IRF2: variants seen among roughly 807,000 people sequenced by gnomAD.
IRF2 encodes interferon regulatory factor 2.
A neutral mutation model predicts 40.6 loss-of-function variants in IRF2; 15 were observed. That is an observed-to-expected ratio of 0.37 (90% CI 0.25 to 0.57). The LOEUF is 0.57. Among genes scored for constraint, IRF2 ranks in the 20% least tolerant of loss-of-function variants. The pLI, the probability that IRF2 is intolerant of heterozygous loss-of-function variation, is 0.77. For missense variants in IRF2, 317 were observed against 455.7 expected (o/e 0.70, Z 2.77); for synonymous variants, 151 against 165.5 (o/e 0.91, Z 0.67).
chr4:184,417,737 C>T (rs113510103), intron 5 of IRF2, among the ~76,000 whole-genome samples: 7 of 152,164 alleles, frequency 4.6e-5, no homozygotes, highest in South Asian at 2.1e-4. Flanking sequence ...GGGCCTGTGA[C>T]GGAATGTCTG....
At chr4:184,391,417 G>A (rs766498068) in intron 7 of IRF2, among the ~76,000 whole-genome samples, 12 of 152,214 alleles carry the variant, frequency 7.9e-5, no homozygotes, top group Non-Finnish European at 1.6e-4. Context: ...TCAGAAACCT[G>A]CTGGGAGAGG....
chr4:184,401,841 A>G (rs1375241082), intron 6 of IRF2, among the ~76,000 whole-genome samples: 1 of 152,196 alleles, frequency 6.6e-6, no homozygotes, highest in Non-Finnish European at 1.5e-5. Flanking sequence ...AACTTCCAAT[A>G]TTTCAAAACT....
intron 2 of IRF2, chr4:184,428,765 C>T (rs574091967): frequency 3.4e-6 from 2 of 583,220 alleles, no homozygotes; most frequent in East Asian, 7.1e-5. Flanking sequence ...CACCACTGCA[C>T]TCCAGCGTGG....
chr4:184,469,233 G>A lies in IRF2; in HGVS notation c.-7+5146C>T, dbSNP rs556181432. Among the ~76,000 whole-genome samples the A allele has an allele frequency of 3.9e-5, 6 of 152,316 alleles. No individual in the cohort carries two copies. The South Asian group carries it at 1.2e-3, about 32-fold the overall frequency. ...CTCAGAAAGCCTAACGGGATGGTGA[G>A]TTTCTCTCACACGGAGCCGGCCAGC... On this transcript the variant is annotated intron_variant, in intron 1 of 8. Coordinates refer to ENST00000393593, the MANE Select transcript of IRF2 (RefSeq NM_002199.4).
At chr4:184,426,296 G>A (rs980895668) in intron 2 of IRF2, among the ~76,000 whole-genome samples, 10 of 152,148 alleles carry the variant, frequency 6.6e-5, no homozygotes, top group East Asian at 1.9e-4. Flanking sequence ...GATTACAGGC[G>A]TGAGCCACTG....
chr4:184,406,271 C>A (rs1383075493), intron 6 of IRF2, among the ~76,000 whole-genome samples: 6 of 151,348 alleles, frequency 4.0e-5, no homozygotes, highest in African/African-American at 1.2e-4. Context: ...CCTCTGTCAC[C>A]CAGGCTGGAG....
At chr4:184,425,314 C>G (rs55666000) in intron 2 of IRF2, among the ~76,000 whole-genome samples, 10,178 of 152,306 alleles carry the variant, frequency 0.067, 753 homozygotes, top group Admixed American at 0.2. Flanking sequence ...TGCCAACAAG[C>G]CTAAGTTAAC....
chr4:184,410,921 C>T (rs1322155059), intron 5 of IRF2, among the ~76,000 whole-genome samples: 8 of 152,128 alleles, frequency 5.3e-5, no homozygotes, highest in Admixed American at 5.2e-4. Context: ...GCAGAGACAC[C>T]GGAACTGAAC....
intron 1 of IRF2, among the ~76,000 whole-genome samples, chr4:184,449,571 G>T (rs777407962): frequency 7.2e-5 from 11 of 152,234 alleles, no homozygotes; most frequent in Non-Finnish European, 1.5e-4. Context: ...GAAGGAGCTT[G>T]CAGCCTAGAA....
At chr4:184,429,734 G>A (rs1737806409) in intron 1 of IRF2, among the ~76,000 whole-genome samples, 1 of 151,958 alleles carries the variant, frequency 6.6e-6, no homozygotes, top group Non-Finnish European at 1.5e-5. Flanking sequence ...CAGCCTCCCC[G>A]CTGACCTGAC....
intron 7 of IRF2, among the ~76,000 whole-genome samples, chr4:184,395,412 C>CAAAA (rs34566726): frequency 0.074 from 4,900 of 65,984 alleles, 651 homozygotes; most frequent in Admixed American, 0.095. Context: ...GACTCCGTCT[C>CAAAA]AAAAAAAAAA....
At chr4:184,472,982 G>A (rs1248404570) in intron 1 of IRF2, among the ~76,000 whole-genome samples, 1 of 152,096 alleles carries the variant, frequency 6.6e-6, no homozygotes, top group African/African-American at 2.4e-5. Context: ...TGCTGGGAGG[G>A]GCATGAGTTA....
At chr4:184,410,135 G>A (rs1737019662) in intron 5 of IRF2, among the ~76,000 whole-genome samples, 2 of 152,082 alleles carry the variant, frequency 1.3e-5, no homozygotes, top group Non-Finnish European at 2.9e-5. Context: ...TTGAGAGCTC[G>A]GGCTTTGGAA....
At chr4:184,424,418 C>T (rs1442251514) in intron 2 of IRF2, among the ~76,000 whole-genome samples, 1 of 152,076 alleles carries the variant, frequency 6.6e-6, no homozygotes, top group Non-Finnish European at 1.5e-5. Context: ...AGAGGTGAGG[C>T]CTTTAAGAGG....
intron 7 of IRF2, among the ~76,000 whole-genome samples, chr4:184,397,217 T>C (rs1022594678): frequency 6.6e-6 from 1 of 152,180 alleles, no homozygotes; most frequent in African/African-American, 2.4e-5. Flanking sequence ...CTAGGACCTA[T>C]GCTAAGTGAA....
chr4:184,426,420 T>C (rs920533371), intron 2 of IRF2, among the ~76,000 whole-genome samples: 1 of 152,208 alleles, frequency 6.6e-6, no homozygotes, highest in African/African-American at 2.4e-5. Flanking sequence ...AGTCCTCACA[T>C]GCCCCTCTCC....
chr4:184,396,420 A>G (rs74346253), intron 7 of IRF2, among the ~76,000 whole-genome samples: 6,133 of 144,390 alleles, frequency 0.042, 141 homozygotes, highest in Non-Finnish European at 0.057. Context: ...AGATCCATAT[A>G]TATATATTTT....
chr4:184,469,545 C>G (rs1229249307), intron 1 of IRF2, among the ~76,000 whole-genome samples: 1 of 152,126 alleles, frequency 6.6e-6, no homozygotes, highest in Non-Finnish European at 1.5e-5. Context: ...TGGGGTGGCA[C>G]ATGCCTGTTG....
chr4:184,460,709 A>G (rs1739114091), intron 1 of IRF2, among the ~76,000 whole-genome samples: 2 of 152,000 alleles, frequency 1.3e-5, no homozygotes, highest in South Asian at 2.1e-4. Context: ...GCACACGCAC[A>G]CACACACACG....
Sources: allele counts gnomAD v4.1 joint callset (sites outside exome capture counted in the v4.1 genomes callset), GRCh38; gene constraint gnomAD v4.1.1; transcripts MANE v1.5; gene names NCBI Gene and HGNC (gene_info 2026-07-23, HGNC 2026-07-21).